The following ZC3H13 variants were observed in gnomAD, a reference collection of about 807,000 sequenced individuals.
ZC3H13 encodes zinc finger CCCH-type containing 13, also known as zinc finger CCCH domain-containing protein 13.
Under a neutral mutation model 204.1 loss-of-function variants are expected in ZC3H13, and 64 were observed. The ratio of observed to expected loss-of-function variants is 0.31; its 90% CI spans 0.26 to 0.39. The LOEUF is 0.39. ZC3H13 is among the 10% of genes least tolerant of loss of function. ZC3H13 has a pLI of 1.00. For missense variants in ZC3H13, 1,833 were observed against 2,082.7 expected (o/e 0.88, Z 2.33); for synonymous variants, 667 against 693.7 (o/e 0.96, Z 0.60).
chr13:45,982,090 C>A (rs1171982240), intron 10 of ZC3H13, among the ~76,000 whole-genome samples: 2 of 150,884 alleles, frequency 1.3e-5, no homozygotes, highest in East Asian at 3.9e-4. Flanking sequence ...GACAAACTAA[C>A]CCACCCAAAG....
At chr13:45,986,546 T>C (rs1409819686) in intron 9 of ZC3H13, among the ~76,000 whole-genome samples, 1 of 152,184 alleles carries the variant, frequency 6.6e-6, no homozygotes, top group Non-Finnish European at 1.5e-5. Context: ...AATAAAGAAA[T>C]AGAGGCCCAA....
intron 12 of ZC3H13, 27 bp from the exon 13 acceptor site, chr13:45,970,492 A>T: frequency 1.3e-6 from 2 of 1,599,518 alleles, no homozygotes; most frequent in Non-Finnish European, 1.7e-6. Flanking sequence ...AACACAATTT[A>T]TAAAATTCTA....
chr13:45,979,072 A>G (rs1953323053), intron 11 of ZC3H13, among the ~76,000 whole-genome samples: 1 of 152,110 alleles, frequency 6.6e-6, no homozygotes, highest in South Asian at 2.1e-4. Context: ...GTTTCATGCT[A>G]TATTAATCTC....
chr13:46,015,853 G>A (rs1427828267), intron 5 of ZC3H13, among the ~76,000 whole-genome samples: 1 of 151,914 alleles, frequency 6.6e-6, no homozygotes, highest in Non-Finnish European at 1.5e-5. Flanking sequence ...CTCATAGAGT[G>A]GGAGAAAACA....
intron 7 of ZC3H13, among the ~76,000 whole-genome samples, chr13:46,008,544 A>G (rs1483078388): frequency 6.6e-6 from 1 of 152,182 alleles, no homozygotes; most frequent in East Asian, 1.9e-4. Flanking sequence ...AGCAAAAGAG[A>G]TTGTATGTAA....
rs1254083483 is a variant in ZC3H13, at chr13:45,956,164, T to C, written c.*963A>G. ...GGCAGTTTAATATAATCAAAAGTTA[T>C]AGCTCTAAAAAATATGATAGTAGAA... On this transcript the variant is annotated 3_prime_UTR_variant, in exon 19 of 19. Coordinates refer to ENST00000679008, the MANE Select transcript of ZC3H13 (RefSeq NM_001330564.2). 1 of 152,196 alleles carries C rather than the reference T, an allele frequency of 6.6e-6. No individual in the cohort carries two copies. Among genetic ancestry groups the C allele is most frequent in the African/African-American group, 2.4e-5 (1 of 41,472 alleles). The allele number at this position is 152,196 out of a possible 1,614,324, so 9.4% of individuals were successfully genotyped here.
intron 8 of ZC3H13, among the ~76,000 whole-genome samples, chr13:45,993,475 T>G (rs911686813): frequency 6.6e-6 from 1 of 152,046 alleles, no homozygotes; most frequent in Non-Finnish European, 1.5e-5. Context: ...TGTATAAGAA[T>G]AGAAAGAAGC....
chr13:45,989,213 A>G, intron 8 of ZC3H13, 116 bp from the exon 9 acceptor site: 1 of 1,054,862 alleles, frequency 9.5e-7, no homozygotes. Flanking sequence ...ACTTCAGAAT[A>G]AATTTTAATT....
chr13:46,029,746 A>G (rs1445331435), intron 4 of ZC3H13, among the ~76,000 whole-genome samples: 1 of 152,074 alleles, frequency 6.6e-6, no homozygotes, highest in Admixed American at 6.5e-5. Context: ...CTACTTCTTA[A>G]CTCATTCTAT....
At chr13:45,982,346 A>C (rs1953714634) in intron 10 of ZC3H13, among the ~76,000 whole-genome samples, 1 of 152,184 alleles carries the variant, frequency 6.6e-6, no homozygotes. Context: ...ATCAGATTAG[A>C]TGCAGCTAAG....
intron 10 of ZC3H13, among the ~76,000 whole-genome samples, chr13:45,983,626 A>G (rs1263454756): frequency 6.7e-6 from 1 of 149,778 alleles, no homozygotes; most frequent in African/African-American, 2.5e-5. Context: ...ACGGGGTTTC[A>G]CTGTGTTAGC....
chr13:45,975,662 G>A lies in ZC3H13; in HGVS notation c.2089C>T (p.Arg697Trp), dbSNP rs746904637. Residue 697 changes from arginine to tryptophan, a missense_variant, in exon 12 of 19, where the codon CGG becomes TGG. Physicochemically the swap from Arg to Trp is moderately radical, Grantham distance 101 (BLOSUM62 -3). Around this residue, in one of 5 missense-constraint regions of ZC3H13, gnomAD observed 1,574 missense variants for 1,757.2 expected, o/e 0.90. Coordinates refer to ENST00000679008, the MANE Select transcript of ZC3H13 (RefSeq NM_001330564.2). Reference sequence around the variant, plus strand: ...CTCTCTTTTTCTCTTTCCCGATCCCGTTCACGTTCCCTCTCTCTCTCCCGC... The same window carrying A: ...CTCTCTTTTTCTCTTTCCCGATCCCATTCACGTTCCCTCTCTCTCTCCCGC... ...RERERERERE[R>W]DREREKEREL... 5.0e-6 allele frequency: 8 copies of A among 1,604,492 alleles called. No homozygotes were observed. The highest frequency in any genetic ancestry group is 2.2e-5 in the East Asian group (1 of 44,456).
intron 5 of ZC3H13, among the ~76,000 whole-genome samples, chr13:46,015,250 A>C (rs892181098): frequency 6.6e-6 from 1 of 152,128 alleles, no homozygotes. Flanking sequence ...CCCTGCAGTA[A>C]GATTGAGCAT....
chr13:46,016,879 T>G (rs1159383304), intron 5 of ZC3H13, among the ~76,000 whole-genome samples: 2 of 152,122 alleles, frequency 1.3e-5, no homozygotes, highest in Non-Finnish European at 2.9e-5. Flanking sequence ...CCTTAAGAAC[T>G]AGAATATTAG....
chr13:46,013,087 C>A (rs1382094392), intron 5 of ZC3H13, among the ~76,000 whole-genome samples: 1 of 152,104 alleles, frequency 6.6e-6, no homozygotes, highest in African/African-American at 2.4e-5. Flanking sequence ...TTTCAACTAT[C>A]CAACCAAGGG....
intron 8 of ZC3H13, among the ~76,000 whole-genome samples, chr13:45,994,287 A>T (rs780103813): frequency 3.3e-5 from 5 of 152,256 alleles, no homozygotes; most frequent in African/African-American, 9.6e-5. Context: ...TCCAGTTAAC[A>T]GTGGGCTATT....
chr13:46,042,358 A>C (rs779443060), intron 3 of ZC3H13, 83 bp from the exon 4 acceptor site: 2 of 890,366 alleles, frequency 2.2e-6, no homozygotes, highest in Non-Finnish European at 3.3e-6. Context: ...ACATTTTATA[A>C]GAATGTATTT....
chr13:45,980,160 G>C (rs1953434873), intron 10 of ZC3H13, among the ~76,000 whole-genome samples, 156 bp from the exon 11 acceptor site: 1 of 151,914 alleles, frequency 6.6e-6, no homozygotes. Flanking sequence ...CAATGAATCA[G>C]AACAACCAAG....
Position 45,956,543 on chromosome 13 carries a change from A to G in ZC3H13, c.*584T>C, listed in dbSNP as rs879200227. On this transcript the variant is annotated 3_prime_UTR_variant, in exon 19 of 19. Transcript: ENST00000679008. ...TCAAAAGACATCCAACATACATTGT[A>G]ACAATGCACACATATTAATTAAAAA... 1 of 152,186 alleles carries G rather than the reference A, an allele frequency of 6.6e-6. No homozygotes were observed. Among genetic ancestry groups the G allele is most frequent in the South Asian group, 2.1e-4 (1 of 4,824 alleles). 9.4% of individuals were successfully genotyped at this position (152,186 alleles called of 1,614,324 possible).
Sources: gnomAD v4.1 joint callset for allele counts (sites outside exome capture counted in the v4.1 genomes callset) on GRCh38, gnomAD v4.1.1 for gene constraint, gnomAD v4.1.1 regional missense constraint, MANE v1.5 for transcripts, NCBI Gene and HGNC (gene_info 2026-07-23, HGNC 2026-07-21) for gene names.